LRRTM4: variants seen among roughly 807,000 people sequenced by gnomAD.
LRRTM4 encodes leucine rich repeat transmembrane neuronal 4, also known as leucine-rich repeat transmembrane neuronal protein 4.
LRRTM4 carries 25 observed loss-of-function variants against 47.6 expected under a neutral mutation model. That is an observed-to-expected ratio of 0.53 (90% CI 0.38 to 0.73). LRRTM4 has a LOEUF of 0.73. Ranked by LOEUF, LRRTM4 falls within the 30% of genes least tolerant of loss-of-function variation. The pLI is 0.00. For synonymous variants in LRRTM4, 311 were observed against 269.5 expected, an observed-to-expected ratio of 1.15 and a Z score of -1.51; for missense variants, 638 against 713.4, an observed-to-expected ratio of 0.89 and a Z score of 1.20.
chr2:76,808,783 A>G (rs1395508974), intron 3 of LRRTM4, among the ~76,000 whole-genome samples: 2 of 151,978 alleles, frequency 1.3e-5, no homozygotes, highest in African/African-American at 4.8e-5. Flanking sequence ...CCATCAGGAA[A>G]CTCAGAAACA....
At chr2:76,974,277 G>C (rs750315500) in intron 3 of LRRTM4, among the ~76,000 whole-genome samples, 21 of 137,272 alleles carry the variant, frequency 1.5e-4, no homozygotes, top group Non-Finnish European at 3.3e-4. Context: ...TATATATATG[G>C]ATTATTTTGA....
At chr2:77,512,658 G>A (rs1048754711) in intron 3 of LRRTM4, among the ~76,000 whole-genome samples, 1 of 152,062 alleles carries the variant, frequency 6.6e-6, no homozygotes, top group African/African-American at 2.4e-5. Context: ...ATATTACTGA[G>A]CAACTCCTAA....
intron 3 of LRRTM4, among the ~76,000 whole-genome samples, chr2:77,128,871 C>T: frequency 6.6e-6 from 1 of 152,194 alleles, no homozygotes; most frequent in Non-Finnish European, 1.5e-5. Flanking sequence ...AACTCCTGAC[C>T]TCAGGTGATC....
At chr2:77,203,697 G>C (rs1299967151) in intron 3 of LRRTM4, among the ~76,000 whole-genome samples, 3 of 152,130 alleles carry the variant, frequency 2.0e-5, no homozygotes, top group Non-Finnish European at 4.4e-5. Context: ...AAAGAGTCAA[G>C]TGCAGAAGTG....
At chr2:76,855,388 T>G (rs2103987739) in intron 3 of LRRTM4, among the ~76,000 whole-genome samples, 1 of 152,312 alleles carries the variant, frequency 6.6e-6, no homozygotes, top group Admixed American at 6.5e-5. Flanking sequence ...TTTTATAAAT[T>G]TTCACTTTGT....
chr2:76,976,640 C>T (rs906891176), intron 3 of LRRTM4, among the ~76,000 whole-genome samples: 5 of 151,742 alleles, frequency 3.3e-5, no homozygotes, highest in Non-Finnish European at 1.5e-5. Context: ...CACCATTTAT[C>T]TGATTTCATC....
At chr2:77,453,939 C>A (rs1025959541) in intron 3 of LRRTM4, among the ~76,000 whole-genome samples, 3 of 152,042 alleles carry the variant, frequency 2.0e-5, no homozygotes, top group South Asian at 2.1e-4. Flanking sequence ...AGAGCAATTT[C>A]TTTTCTGGTT....
rs1362663576 is a variant in LRRTM4, at chr2:76,776,533, T to A, written c.1552-27617A>T. Among the ~76,000 whole-genome samples, 7 of 152,190 alleles carry A rather than the reference T, an allele frequency of 4.6e-5. No homozygotes were observed. The East Asian group carries it at 1.4e-3, about 29-fold the overall frequency. ...GTGATGATGAGCATTTTTTCATGTG[T>A]TTTTTGGCTGCATAAATGTCTTCTT... On this transcript the variant is annotated intron_variant, in intron 3 of 3. Transcript: ENST00000409884.
At chr2:77,233,353 T>C (rs1675017410) in intron 3 of LRRTM4, among the ~76,000 whole-genome samples, 1 of 152,194 alleles carries the variant, frequency 6.6e-6, no homozygotes, top group South Asian at 2.1e-4. Context: ...CAGGAGCCTC[T>C]GTACTCCCAA....
At chr2:77,190,246 C>T (rs1209705082) in intron 3 of LRRTM4, among the ~76,000 whole-genome samples, 1 of 149,122 alleles carries the variant, frequency 6.7e-6, no homozygotes, top group Non-Finnish European at 1.5e-5. Flanking sequence ...GGGCCCATAA[C>T]TAATATTTTT....
intron 3 of LRRTM4, among the ~76,000 whole-genome samples, chr2:77,043,908 A>T (rs146276160): frequency 6.7e-6 from 1 of 148,558 alleles, no homozygotes; most frequent in Non-Finnish European, 1.5e-5. Flanking sequence ...AACAGGTAAA[A>T]ACATTTTTTT....
At chr2:76,870,484 A>G (rs542773914) in intron 3 of LRRTM4, among the ~76,000 whole-genome samples, 2 of 152,148 alleles carry the variant, frequency 1.3e-5, no homozygotes, top group African/African-American at 4.8e-5. Context: ...ACATTTTTTC[A>G]AAGGAAATTT....
chr2:77,216,441 C>A (rs1278956497), intron 3 of LRRTM4, among the ~76,000 whole-genome samples: 1 of 151,632 alleles, frequency 6.6e-6, no homozygotes, highest in Admixed American at 6.6e-5. Context: ...CCGAGGTGGG[C>A]GGATCACGAG....
At chr2:76,798,449 C>T (rs1278166026) in intron 3 of LRRTM4, among the ~76,000 whole-genome samples, 1 of 150,548 alleles carries the variant, frequency 6.6e-6, no homozygotes, top group Non-Finnish European at 1.5e-5. Context: ...GCATTCAAAG[C>T]AGTGTGTAGA....
chr2:77,379,028 G>T (rs1672946820), intron 3 of LRRTM4, among the ~76,000 whole-genome samples: 2 of 151,998 alleles, frequency 1.3e-5, no homozygotes, highest in African/African-American at 4.8e-5. Flanking sequence ...ATTGCTTAGT[G>T]TATTTTTCAT....
intron 3 of LRRTM4, among the ~76,000 whole-genome samples, chr2:76,920,284 G>A (rs1019772590): frequency 6.6e-6 from 1 of 152,070 alleles, no homozygotes; most frequent in African/African-American, 2.4e-5. Context: ...AAACATTGAT[G>A]TAAACCTCTA....
Position 77,213,528 on chromosome 2 carries a change from A to G in LRRTM4, c.1551+304790T>C, listed in dbSNP as rs542877271. On this transcript the variant is annotated intron_variant, in intron 3 of 3. Transcript: ENST00000409884. ...TTACATAGAGAAGTACCTGGTACAC[A>G]GTACACTTTCAATAATGTTAGCTAC... Among the ~76,000 whole-genome samples, 20 of 152,318 alleles carry G rather than the reference A, an allele frequency of 1.3e-4. No homozygotes were observed. The South Asian group carries it at 3.1e-3, about 24-fold the overall frequency.
chr2:77,165,745 A>G (rs1044803291), intron 3 of LRRTM4, among the ~76,000 whole-genome samples: 2 of 152,200 alleles, frequency 1.3e-5, no homozygotes, highest in African/African-American at 2.4e-5. Flanking sequence ...AAAGGCCTTC[A>G]ACAAAATTCA....
intron 3 of LRRTM4, among the ~76,000 whole-genome samples, chr2:77,341,538 T>C (rs1189397072): frequency 6.6e-6 from 1 of 152,090 alleles, no homozygotes; most frequent in Admixed American, 6.6e-5. Context: ...TGGATAATTA[T>C]ACATTAACTT....
Sources: gnomAD v4.1 joint callset for allele counts (sites outside exome capture counted in the v4.1 genomes callset) on GRCh38, gnomAD v4.1.1 for gene constraint, MANE v1.5 for transcripts, NCBI Gene and HGNC (gene_info 2026-07-23, HGNC 2026-07-21) for gene names.